Variants in SNAP25 observed in about 807,000 individuals in gnomAD.
SNAP25 encodes synaptosomal-associated protein 25.
SNAP25 carries 3 observed loss-of-function variants against 28.7 expected under a neutral mutation model. That is an observed-to-expected ratio of 0.10 (90% CI 0.05 to 0.27). SNAP25 has a LOEUF of 0.27. Ranked by LOEUF, SNAP25 falls within the 10% of genes least tolerant of loss-of-function variation. SNAP25 has a pLI of 1.00. For synonymous variants in SNAP25, 61 were observed against 88.1 expected, an observed-to-expected ratio of 0.69 and a Z score of 1.72; for missense variants, 117 against 278.7, an observed-to-expected ratio of 0.42 and a Z score of 4.13.
chr20:10,256,957 T>C (rs2063328538), intron 1 of SNAP25, among the ~76,000 whole-genome samples: 1 of 152,238 alleles, frequency 6.6e-6, no homozygotes, highest in Non-Finnish European at 1.5e-5. Context: ...TATCTGATTC[T>C]TTAACAAATA....
At chr20:10,303,179 T>C (rs2064279538) in intron 7 of SNAP25, among the ~76,000 whole-genome samples, 1 of 152,218 alleles carries the variant, frequency 6.6e-6, no homozygotes, top group African/African-American at 2.4e-5. Context: ...TCCTTTGCAC[T>C]GAAGTGTCAT....
intron 1 of SNAP25, among the ~76,000 whole-genome samples, chr20:10,267,727 T>C (rs1255459794): frequency 6.6e-6 from 1 of 152,182 alleles, no homozygotes; most frequent in Non-Finnish European, 1.5e-5. Flanking sequence ...AATTTTTGTA[T>C]TTTTAGTAGA....
At chr20:10,272,337 C>T (rs1464284057) in intron 1 of SNAP25, among the ~76,000 whole-genome samples, 2 of 152,308 alleles carry the variant, frequency 1.3e-5, no homozygotes, top group Admixed American at 6.5e-5. Flanking sequence ...CTTACCCAGA[C>T]TCACCCAGCT....
chr20:10,254,527 G>C (rs60866205), intron 1 of SNAP25, among the ~76,000 whole-genome samples: 3,340 of 152,210 alleles, frequency 0.022, 84 homozygotes, highest in African/African-American at 0.066. Context: ...TCCTTTTCCC[G>C]CGCACTCCCA....
chr20:10,267,011 C>T (rs77960040), intron 1 of SNAP25, among the ~76,000 whole-genome samples: 5,252 of 152,140 alleles, frequency 0.035, 160 homozygotes, highest in Admixed American at 0.09. Context: ...TGTTAAGGCA[C>T]AAAGGAAATC....
intron 1 of SNAP25, among the ~76,000 whole-genome samples, chr20:10,258,784 C>G (rs939466431): frequency 1.3e-5 from 2 of 152,214 alleles, no homozygotes; most frequent in Non-Finnish European, 1.5e-5. Context: ...CCCACAATCA[C>G]TTCAGAGACA....
intron 7 of SNAP25, among the ~76,000 whole-genome samples, chr20:10,301,727 GGA>G (rs2064241066): frequency 6.6e-6 from 1 of 151,478 alleles, no homozygotes; most frequent in East Asian, 1.9e-4. Context: ...TGAAGTTTTG[GGA>G]GTCCTTAACA....
intron 7 of SNAP25, among the ~76,000 whole-genome samples, chr20:10,302,622 A>G (rs1213353545): frequency 6.6e-6 from 1 of 152,160 alleles, no homozygotes; most frequent in Admixed American, 6.5e-5. Context: ...ACAAACATGT[A>G]ACATATGTTG....
intron 1 of SNAP25, among the ~76,000 whole-genome samples, chr20:10,240,126 G>T (rs888308308): frequency 1.1e-4 from 17 of 152,114 alleles, no homozygotes; most frequent in Admixed American, 5.9e-4. Context: ...CATTCAGGTT[G>T]TTTGTAGAGT....
At chr20:10,246,895 G>GT (rs2063138180) in intron 1 of SNAP25, among the ~76,000 whole-genome samples, 1 of 152,126 alleles carries the variant, frequency 6.6e-6, no homozygotes, top group South Asian at 2.1e-4. Context: ...TAGCATAAAG[G>GT]TTAACAGCCT....
At chr20:10,250,569 C>T (rs1461515823) in intron 1 of SNAP25, among the ~76,000 whole-genome samples, 2 of 152,182 alleles carry the variant, frequency 1.3e-5, no homozygotes, top group Non-Finnish European at 2.9e-5. Flanking sequence ...AGGATGCTAA[C>T]GCTTAATGGG....
At chr20:10,299,482 G>A in intron 7 of SNAP25, 70 bp downstream of exon 7, 1 of 1,476,868 alleles carries the variant, frequency 6.8e-7, no homozygotes, top group Non-Finnish European at 9.1e-7. Context: ...AAGTGTGAAG[G>A]GCATAACAAG....
chr20:10,257,423 T>C (rs2063336644), intron 1 of SNAP25, among the ~76,000 whole-genome samples: 1 of 151,938 alleles, frequency 6.6e-6, no homozygotes, highest in Non-Finnish European at 1.5e-5. Context: ...ATACAAAAAT[T>C]AGCCAGCATG....
At chr20:10,304,828 A>C (rs1232129402) in intron 7 of SNAP25, among the ~76,000 whole-genome samples, 4 of 152,164 alleles carry the variant, frequency 2.6e-5, no homozygotes, top group Non-Finnish European at 5.9e-5. Flanking sequence ...TATGCAATTT[A>C]CTGGAGAGAT....
rs184395354 is a variant in SNAP25 at position 10,286,466 on chromosome 20, G to A, written c.163+1694G>A. Among the ~76,000 whole-genome samples, 97 of 152,212 alleles carry A rather than the reference G, an allele frequency of 6.4e-4. No homozygotes were observed. The East Asian group carries it at 0.015, about 23-fold the overall frequency. The stretch of plus-strand genomic sequence containing the variant: ...ATGGGTACTGCTCTGAGAAGCCCTC[G>A]GCCAGGCCAATGGGGAGCCCGAGAG... On this transcript the variant is annotated intron_variant, in intron 4 of 7. Coordinates refer to ENST00000254976, the MANE Select transcript of SNAP25 (RefSeq NM_130811.4).
At chr20:10,248,228 G>A (rs903675172) in intron 1 of SNAP25, among the ~76,000 whole-genome samples, 1 of 152,208 alleles carries the variant, frequency 6.6e-6, no homozygotes, top group Non-Finnish European at 1.5e-5. Flanking sequence ...TAAGGATAAG[G>A]GTACAGGGTG....
intron 1 of SNAP25, among the ~76,000 whole-genome samples, chr20:10,237,962 CT>C (rs2062953671): frequency 6.6e-6 from 1 of 152,174 alleles, no homozygotes; most frequent in East Asian, 1.9e-4. Context: ...TCCTTTATCT[CT>C]TGTTTTCAGG....
At chr20:10,252,983 A>C (rs1251863609) in intron 1 of SNAP25, among the ~76,000 whole-genome samples, 2 of 152,196 alleles carry the variant, frequency 1.3e-5, no homozygotes, top group Non-Finnish European at 2.9e-5. Flanking sequence ...TTAAATAAAA[A>C]TATGCATTTG....
chr20:10,274,011 CTT>C (rs912902666), intron 1 of SNAP25, among the ~76,000 whole-genome samples: 2 of 152,024 alleles, frequency 1.3e-5, no homozygotes, highest in African/African-American at 4.8e-5. Context: ...CTAATTCCCT[CTT>C]TTGCTTGCAT....
Sources: gnomAD v4.1 joint callset for allele counts (sites outside exome capture counted in the v4.1 genomes callset) on GRCh38, gnomAD v4.1.1 for gene constraint, MANE v1.5 for transcripts, NCBI Gene and HGNC (gene_info 2026-07-23, HGNC 2026-07-21) for gene names.